The following ZFYVE16 variants were observed in gnomAD, a reference collection of about 807,000 sequenced individuals.
ZFYVE16 encodes zinc finger FYVE-type containing 16, also known as zinc finger FYVE domain-containing protein 16.
ZFYVE16 carries 89 observed loss-of-function variants against 138.1 expected under a neutral mutation model. The observed-to-expected ratio is 0.64, with a 90% confidence interval of 0.54 to 0.77. The LOEUF (loss-of-function observed/expected upper bound fraction) is 0.77, where lower values mean the gene tolerates loss of function less well. Ranked by LOEUF, ZFYVE16 falls within the 30% of genes least tolerant of loss-of-function variation. The pLI is 0.00. For missense variants in ZFYVE16, 1,793 were observed against 1,786.7 expected, an observed-to-expected ratio of 1.00 and a Z score of -0.06; for synonymous variants, 596 against 618.3, an observed-to-expected ratio of 0.96 and a Z score of 0.53.
intron 15 of ZFYVE16, among the ~76,000 whole-genome samples, chr5:80,471,871 G>A (rs1023405475): frequency 2.6e-5 from 4 of 152,004 alleles, no homozygotes; most frequent in African/African-American, 9.7e-5. Context: ...GAAATCCTAA[G>A]GTGTTTACCG....
At chr5:80,455,646 G>A in intron 11 of ZFYVE16, 46 bp from the exon 12 acceptor site, 1 of 1,418,622 alleles carries the variant, frequency 7.0e-7, no homozygotes. Context: ...CAATAATTTG[G>A]GGTTTTTTTT....
intron 1 of ZFYVE16, among the ~76,000 whole-genome samples, chr5:80,419,135 T>G (rs1489248557): frequency 1.3e-5 from 2 of 151,408 alleles, no homozygotes; most frequent in Non-Finnish European, 2.9e-5. Context: ...TACAGTGCAG[T>G]GGTGTAATCA....
Position 80,431,580 on chromosome 5 carries a change from C to T in ZFYVE16, c.-39-2529C>T, listed in dbSNP as rs548438707. 5.9e-5 allele frequency among the ~76,000 whole-genome samples: 9 copies of T among 152,252 alleles called. No individual in the cohort carries two copies. In the East Asian group the frequency reaches 1.5e-3, roughly 26 times the overall value. On this transcript the variant is annotated intron_variant, in intron 2 of 18. Transcript: ENST00000505560. The stretch of plus-strand genomic sequence containing the variant: ...CCTATTCAACATAGTTTTGGAAGTT[C>T]TGGCCAGGGCACTCAGGCAGGAGAA...
At chr5:80,432,328 A>G (rs1276095953) in intron 2 of ZFYVE16, among the ~76,000 whole-genome samples, 1 of 152,230 alleles carries the variant, frequency 6.6e-6, no homozygotes, top group Non-Finnish European at 1.5e-5. Flanking sequence ...AAAACAAGAA[A>G]TGGGGAAAGG....
chr5:80,454,052 C>T (rs1752257164), intron 11 of ZFYVE16: 1 of 152,098 alleles, frequency 6.6e-6, no homozygotes, highest in Non-Finnish European at 1.5e-5. Context: ...TTTCCTTTAT[C>T]GTTTTTATGT....
intron 14 of ZFYVE16, among the ~76,000 whole-genome samples, chr5:80,459,055 G>A (rs1393906644): frequency 6.6e-6 from 1 of 152,172 alleles, no homozygotes; most frequent in African/African-American, 2.4e-5. Flanking sequence ...AGCCTCCTGA[G>A]TGGCCAGGAT....
At chr5:80,408,543 C>T (rs774980483) in intron 1 of ZFYVE16, among the ~76,000 whole-genome samples, 33 of 152,366 alleles carry the variant, frequency 2.2e-4, no homozygotes, top group Non-Finnish European at 4.3e-4. Flanking sequence ...GCGGAGGGGA[C>T]TGTGGTTCTT....
At position 80,482,880 on chromosome 5, in the gene ZFYVE16, T is replaced by C. The variant is rs1297176698; in HGVS notation, c.*5503T>C. The C allele has an allele frequency of 6.6e-6, 1 of 151,940 alleles. No homozygotes were observed. The highest frequency in any genetic ancestry group is 1.5e-5 in the Non-Finnish European group (1 of 67,962). 9.4% of individuals were successfully genotyped at this position (151,940 alleles called of 1,614,324 possible). On this transcript the variant is annotated 3_prime_UTR_variant, in exon 19 of 19. Coordinates refer to ENST00000505560, the MANE Select transcript of ZFYVE16 (RefSeq NM_001284236.3). The stretch of plus-strand genomic sequence containing the variant: ...TTTTTTTTCTTTACTTTTTTTTTTT[T>C]TATGAGATGGAGTCTCACTCTGTTG...
chr5:80,415,436 A>G (rs1746061868), intron 1 of ZFYVE16, among the ~76,000 whole-genome samples: 1 of 152,114 alleles, frequency 6.6e-6, no homozygotes, highest in Admixed American at 6.5e-5. Flanking sequence ...ACCACATTAC[A>G]TTGAGTAGTC....
intron 15 of ZFYVE16, among the ~76,000 whole-genome samples, chr5:80,471,479 C>T (rs552848963): frequency 2.0e-5 from 3 of 152,292 alleles, no homozygotes; most frequent in Admixed American, 2.0e-4. Context: ...CCCCATGTGA[C>T]CATCTCACCT....
chr5:80,433,820 G>A (rs1284943172), intron 2 of ZFYVE16, among the ~76,000 whole-genome samples: 1 of 152,074 alleles, frequency 6.6e-6, no homozygotes, highest in Non-Finnish European at 1.5e-5. Context: ...TTTATAAGTA[G>A]TTTTAGCTTT....
At chr5:80,448,437 T>G in intron 8 of ZFYVE16, 33 bp downstream of exon 8, 2 of 1,433,756 alleles carry the variant, frequency 1.4e-6, no homozygotes, top group Non-Finnish European at 1.8e-6. Flanking sequence ...TTAAAAAGAT[T>G]TAAAAATATA....
intron 1 of ZFYVE16, among the ~76,000 whole-genome samples, chr5:80,420,700 G>A (rs1428034127): frequency 2.0e-5 from 3 of 152,166 alleles, no homozygotes; most frequent in Non-Finnish European, 4.4e-5. Context: ...TATCATTGAT[G>A]GACATTTGGG....
At chr5:80,417,221 T>G (rs371520592) in intron 1 of ZFYVE16, among the ~76,000 whole-genome samples, 3 of 152,326 alleles carry the variant, frequency 2.0e-5, no homozygotes, top group African/African-American at 7.2e-5. Flanking sequence ...GCCTGTCTTT[T>G]CTTTCTTTAG....
At chr5:80,458,331 A>C (rs1025449364) in intron 14 of ZFYVE16, among the ~76,000 whole-genome samples, 2 of 152,088 alleles carry the variant, frequency 1.3e-5, no homozygotes, top group Admixed American at 6.5e-5. Context: ...CCACCCAGCC[A>C]TCCTCTTACT....
intron 1 of ZFYVE16, among the ~76,000 whole-genome samples, chr5:80,418,469 C>T (rs1295245405): frequency 6.6e-6 from 1 of 151,954 alleles, no homozygotes; most frequent in Non-Finnish European, 1.5e-5. Flanking sequence ...TGCACCCCCA[C>T]ACCTAACTAA....
In ZFYVE16 at chr5:80,424,431, A is replaced by T. The variant is rs147130703; in HGVS notation, c.-93-3061A>T. 6.3e-3 allele frequency among the ~76,000 whole-genome samples: 927 copies of T among 147,216 alleles called. 10 individuals are homozygous for T. Among genetic ancestry groups the T allele is most frequent in the African/African-American group, 0.021 (855 of 40,404 alleles). On this transcript the variant is annotated intron_variant, in intron 1 of 18. Transcript: ENST00000505560. ...TATTAATTAGCTTCTTTGAAGTTTT[A>T]TTCTGCCTCCTGCATTGTGTCTTCC...
At chr5:80,427,052 T>C (rs1385810896) in intron 1 of ZFYVE16, among the ~76,000 whole-genome samples, 1 of 152,008 alleles carries the variant, frequency 6.6e-6, no homozygotes, top group East Asian at 1.9e-4. Flanking sequence ...TCTTTTTTTT[T>C]TTTTCCTTTT....
chr5:80,433,700 GA>G (rs995565840), intron 2 of ZFYVE16, among the ~76,000 whole-genome samples: 43 of 145,910 alleles, frequency 2.9e-4, no homozygotes, highest in East Asian at 9.9e-4. Context: ...ACTAAAAAAA[GA>G]AAAAAAAAAG....
Sources: gnomAD v4.1 joint callset for allele counts (sites outside exome capture counted in the v4.1 genomes callset) on GRCh38, gnomAD v4.1.1 for gene constraint, MANE v1.5 for transcripts, NCBI Gene and HGNC (gene_info 2026-07-23, HGNC 2026-07-21) for gene names.